Variants in ZNF616 observed in about 807,000 individuals in gnomAD.
ZNF616 encodes the protein zinc finger protein 616.
In ZNF616, 5 loss-of-function variants were observed where a neutral mutation model predicts 7.6. The observed-to-expected ratio is 0.66, with a 90% CI of 0.34 to 1.38. The LOEUF is 1.38. Ranked by LOEUF, ZNF616 falls within the 40% of genes most tolerant of loss-of-function variation. The pLI is 0.04. For synonymous variants in ZNF616, 319 were observed against 317.2 expected (o/e 1.01, Z -0.06); for missense variants, 913 against 948.3 (o/e 0.96, Z 0.49).
chr19:52,136,586 G>A (rs1568564086), intron 1 of ZNF616, among the ~76,000 whole-genome samples: 2 of 151,976 alleles, frequency 1.3e-5, no homozygotes, highest in African/African-American at 4.8e-5. Context: ...ATAGGCAAGA[G>A]AGGTGTTAGC....
chr19:52,129,325 G>C (rs139052987), intron 2 of ZNF616, among the ~76,000 whole-genome samples: 1 of 151,804 alleles, frequency 6.6e-6, no homozygotes, highest in Non-Finnish European at 1.5e-5. Flanking sequence ...TATCATCCTC[G>C]TGTTGTATTA....
intron 1 of ZNF616, among the ~76,000 whole-genome samples, chr19:52,135,401 G>A (rs1252520317): frequency 1.3e-5 from 2 of 152,138 alleles, no homozygotes; most frequent in Non-Finnish European, 2.9e-5. Flanking sequence ...ATACCCCAGT[G>A]AGACCCAACA....
At chr19:52,118,947 T>C (rs541440795) in intron 3 of ZNF616, among the ~76,000 whole-genome samples, 15 of 152,344 alleles carry the variant, frequency 9.8e-5, no homozygotes, top group Admixed American at 5.2e-4. Context: ...TCAAACATTA[T>C]GTTTTTTTCA....
intron 3 of ZNF616, 40 bp from the exon 4 acceptor site, chr19:52,117,064 T>G: frequency 6.7e-7 from 1 of 1,489,760 alleles, no homozygotes; most frequent in Non-Finnish European, 9.0e-7. Context: ...TTTAAACTAC[T>G]ACTATTGATA....
At position 52,116,478 on chromosome 19, in the gene ZNF616, G is replaced by A. The variant is rs202078686; in HGVS notation, c.686C>T (p.Thr229Ile). Residue 229 changes from threonine to isoleucine, a missense_variant, in exon 4 of 4, where the codon ACT becomes ATT. Thr to Ile is a moderately conservative substitution (Grantham distance 89). Transcript: ENST00000600228. ...GKAFHRASLL[T>I]VHKVVHTRGK... ...TCTTGTATGGACTACCTTGTGTACAGTTAGTAGTGAGGCCCGATGAAAGGC... is the reference window on the plus strand; with the variant it reads ...TCTTGTATGGACTACCTTGTGTACAATTAGTAGTGAGGCCCGATGAAAGGC... The A allele has an allele frequency of 1.2e-6, 2 of 1,614,082 alleles. No homozygotes were observed. Among genetic ancestry groups the A allele is most frequent in the Non-Finnish European group, 1.7e-6 (2 of 1,180,012 alleles).
chr19:52,138,682 T>TC (rs796589653), intron 1 of ZNF616: 1 of 152,282 alleles, frequency 6.6e-6, no homozygotes, highest in Non-Finnish European at 1.5e-5. Context: ...CTGCCTCTTT[T>TC]CCCCCATCTG....
chr19:52,117,389 A>C (rs914507294), intron 3 of ZNF616, among the ~76,000 whole-genome samples: 7 of 152,164 alleles, frequency 4.6e-5, no homozygotes, highest in Admixed American at 1.3e-4. Flanking sequence ...AGTTATATAT[A>C]TTTACTTCAT....
chr19:52,115,411 C>G lies in ZNF616; in HGVS notation c.1753G>C (p.Val585Leu). Residue 585 changes from valine (V) to leucine (L), a missense_variant, in exon 4 of 4, where the codon GTC becomes CTC. Transcript: ENST00000600228. ...KPYKCNECGK[V>L]YSQYSHLVGH... ...ACAAGATGTGAATACTGACTGTAGA[C>G]CTTGCCGCATTCATTGCATTTGTAA... 6.2e-7 allele frequency: 1 copy of G among 1,614,018 alleles called. No homozygotes were observed. The highest frequency in any genetic ancestry group is 8.5e-7 in the Non-Finnish European group (1 of 1,180,036).
intron 1 of ZNF616, among the ~76,000 whole-genome samples, chr19:52,134,077 C>T (rs969530650): frequency 1.3e-5 from 2 of 152,004 alleles, no homozygotes; most frequent in African/African-American, 4.8e-5. Flanking sequence ...ATGGAAAGGC[C>T]GTTGTTTTGT....
rs543360457 is a variant in ZNF616, at chr19:52,128,209, C to T, written c.12+2292G>A. Among the ~76,000 whole-genome samples the T allele has an allele frequency of 5.0e-4, 75 of 150,166 alleles. 1 individual carries two copies. The South Asian group carries it at 0.015, about 29-fold the overall frequency. ...AATAAAAAAAAAAAAAAAAAACTTA[C>T]TACTATGTTCTGTTTACATTTTGAG... On this transcript the variant is annotated intron_variant, in intron 2 of 3. Coordinates refer to ENST00000600228, the MANE Select transcript of ZNF616 (RefSeq NM_178523.5).
rs1332651686 is a variant in ZNF616 at position 52,115,632 on chromosome 19, T to C, written c.1532A>G (p.His511Arg). The change falls in exon 4 of 4, where the codon CAT becomes CGT. Residue 511 changes from histidine to arginine, a missense_variant. Transcript: ENST00000600228. ...VFSQHSRLAV[H>R]RRIHTGEKPY... is the part of the protein sequence containing the mutation. Reference sequence around the variant, plus strand: ...TTTCTCTCCAGTATGAATTCTCCGATGCACTGCAAGACGTGAATGTTGACT... The same window carrying C: ...TTTCTCTCCAGTATGAATTCTCCGACGCACTGCAAGACGTGAATGTTGACT... The C allele has an allele frequency of 4.3e-6, 7 of 1,613,920 alleles. No individual in the cohort carries two copies. In the Admixed American group the frequency reaches 5.0e-5, roughly 12 times the overall value.
rs1224334899 is a variant in ZNF616 at position 52,139,199 on chromosome 19, G to A, written c.-77+533C>T. On this transcript the variant is annotated intron_variant, in intron 1 of 3. Transcript: ENST00000600228. The surrounding 1 kb of genome is among the most constrained non-coding windows in gnomAD (Gnocchi z 4.1). Reference sequence around the variant, plus strand: ...CCCACACATTCAGGAGGAAAGGGGAGGAATACGATGCCCACCTCCCGGAAG... The same window carrying A: ...CCCACACATTCAGGAGGAAAGGGGAAGAATACGATGCCCACCTCCCGGAAG... Among the ~76,000 whole-genome samples the A allele has an allele frequency of 1.3e-5, 2 of 152,134 alleles. No individual in the cohort carries two copies. The highest frequency in any genetic ancestry group is 4.8e-5 in the African/African-American group (2 of 41,412).
At position 52,124,794 on chromosome 19, in the gene ZNF616, C is replaced by T. The variant is rs2088892428; in HGVS notation, c.13-745G>A. On this transcript the variant is annotated intron_variant, in intron 2 of 3. Transcript: ENST00000600228. The stretch of plus-strand genomic sequence containing the variant: ...CTCATAATTCTGCAGGCTGGGAAAT[C>T]CAAGATCAAGGTGCCAGAAGGACTG... Among the ~76,000 whole-genome samples, 3 of 152,160 alleles carry T rather than the reference C, an allele frequency of 2.0e-5. No homozygotes were observed. The South Asian group carries it at 6.2e-4, about 32-fold the overall frequency.
chr19:52,132,391 G>C (rs1221874865), intron 1 of ZNF616, among the ~76,000 whole-genome samples: 1 of 152,148 alleles, frequency 6.6e-6, no homozygotes, highest in Non-Finnish European at 1.5e-5. Context: ...AGGGGACATG[G>C]AGACGTGTAG....
intron 2 of ZNF616, among the ~76,000 whole-genome samples, chr19:52,127,332 G>A (rs534407533): frequency 1.3e-5 from 2 of 152,294 alleles, no homozygotes; most frequent in South Asian, 4.1e-4. Flanking sequence ...CTGGATTACA[G>A]GTGTGAGCCA....
Position 52,139,439 on chromosome 19 carries a change from T to G in ZNF616, c.-77+293A>C, listed in dbSNP as rs2089039807. Reference sequence around the variant, plus strand: ...ACGGTGTCTCAGGACAGGGAGGGTCTGCAGAATCCCAGGACCTGGGAGAAG... The same window carrying G: ...ACGGTGTCTCAGGACAGGGAGGGTCGGCAGAATCCCAGGACCTGGGAGAAG... On this transcript the variant is annotated intron_variant, in intron 1 of 3. Transcript: ENST00000600228. This position sits in a 1 kb window ranked among gnomAD's most constrained non-coding sequence, Gnocchi z 4.1. Among the ~76,000 whole-genome samples the G allele has an allele frequency of 6.6e-6, 1 of 152,072 alleles. No individual in the cohort carries two copies. The highest frequency in any genetic ancestry group is 2.1e-4 in the South Asian group (1 of 4,820).
chr19:52,128,795 ATAAAT>A (rs1474358681), intron 2 of ZNF616, among the ~76,000 whole-genome samples: 2 of 151,490 alleles, frequency 1.3e-5, no homozygotes, highest in Non-Finnish European at 2.9e-5. Flanking sequence ...TTGTTTGCTG[ATAAAT>A]TACATTGTGT....
chr19:52,116,206 T>C lies in ZNF616; in HGVS notation c.958A>G (p.Thr320Ala), dbSNP rs1172980670. The C allele has an allele frequency of 6.2e-7, 1 of 1,614,184 alleles. No individual in the cohort carries two copies. The highest frequency in any genetic ancestry group is 1.3e-5 in the African/African-American group (1 of 75,062). ...TTACATTTGAAGGGTCTCTCTCCAG[T>C]ATGAACTGTCTGATGAAGTCTAAGA... is the stretch of plus-strand genomic sequence containing the variant. ...VHLRLHQTVH[T>A]GERPFKCNEC... The change falls in exon 4 of 4, where the codon ACT becomes GCT. Residue 320 changes from threonine to alanine, a missense_variant. Coordinates refer to ENST00000600228, the MANE Select transcript of ZNF616 (RefSeq NM_178523.5).
In ZNF616 at chr19:52,139,757, G is replaced by C. The variant is rs1217429875; in HGVS notation, c.-102C>G. 1.3e-5 allele frequency: 2 copies of C among 152,380 alleles called. No homozygotes were observed. The highest frequency in any genetic ancestry group is 4.8e-5 in the African/African-American group (2 of 41,460). The allele number at this position is 152,380 out of a possible 1,614,324, so 9.4% of individuals were successfully genotyped here. A position where few individuals can be genotyped will look rare whatever the true frequency, so the allele number is the denominator to read the frequency against. On this transcript the variant is annotated 5_prime_UTR_variant, in exon 1 of 4. Transcript: ENST00000600228. The surrounding 1 kb of genome is among the most constrained non-coding windows in gnomAD (Gnocchi z 4.1). The stretch of plus-strand genomic sequence containing the variant: ...GTGGGGAGAAGTGCCTGTTGCAGGG[G>C]CGAAGGGGCTATGGGTATTTTAAGG...
Sources: gnomAD v4.1 joint callset for allele counts (sites outside exome capture counted in the v4.1 genomes callset) on GRCh38, gnomAD v4.1.1 for gene constraint, Gnocchi (gnomAD v3.1) non-coding constraint, MANE v1.5 for transcripts, NCBI Gene and HGNC (gene_info 2026-07-23, HGNC 2026-07-21) for gene names.